Variants in SGCD observed in about 807,000 individuals in gnomAD.
The protein encoded by SGCD is sarcoglycan delta.
Under a neutral mutation model 36.6 loss-of-function variants are expected in SGCD, and 18 were observed. The observed-to-expected ratio is 0.49, with a 90% CI of 0.34 to 0.73. The LOEUF (loss-of-function observed/expected upper bound fraction) is 0.73. Among genes scored for constraint, SGCD ranks in the 30% least tolerant of loss-of-function variants. The pLI is 0.01. For missense variants in SGCD, 387 were observed against 346.7 expected (o/e 1.12, Z -0.92); for synonymous variants, 133 against 130.6 (o/e 1.02, Z -0.12).
At chr5:156,552,900 G>T (rs1220228453) in intron 4 of SGCD, among the ~76,000 whole-genome samples, 1 of 152,030 alleles carries the variant, frequency 6.6e-6, no homozygotes, top group Non-Finnish European at 1.5e-5. Context: ...AAAGAGTATG[G>T]TCTTAGTCCA....
At chr5:156,393,386 A>G (rs1387890098) in intron 3 of SGCD, among the ~76,000 whole-genome samples, 3 of 152,258 alleles carry the variant, frequency 2.0e-5, no homozygotes, top group South Asian at 2.1e-4. Context: ...AATTTTACCA[A>G]TAAGTCAGTT....
intron 7 of SGCD, among the ~76,000 whole-genome samples, chr5:156,751,825 T>G (rs556151024): frequency 2.6e-4 from 39 of 152,308 alleles, no homozygotes; most frequent in African/African-American, 9.1e-4. Context: ...TATACACTAG[T>G]GGGAAAGTCA....
intron 2 of SGCD, among the ~76,000 whole-genome samples, chr5:156,338,187 T>A (rs1768459616): frequency 2.0e-5 from 3 of 146,556 alleles, no homozygotes; most frequent in Admixed American, 6.9e-5. Context: ...TGTTTACAAA[T>A]CATCCCTGAA....
chr5:155,770,362 T>TG, the SGCD span, among the ~76,000 whole-genome samples: 2 of 110,370 alleles, frequency 1.8e-5, no homozygotes, highest in African/African-American at 7.1e-5. Flanking sequence ...CCATAGGATG[T>TG]GGGGGGCAGG....
chr5:156,291,471 G>A (rs1310687160), intron 3 of SGCD, among the ~76,000 whole-genome samples: 1 of 152,026 alleles, frequency 6.6e-6, no homozygotes, highest in Admixed American at 6.6e-5. Flanking sequence ...ACAGGCAACA[G>A]GCCAGACAGT....
chr5:156,733,594 T>C lies in SGCD; in HGVS notation c.576-23987T>C, dbSNP rs140829620. 1.6e-4 allele frequency among the ~76,000 whole-genome samples: 25 copies of C among 152,206 alleles called. No individual in the cohort carries two copies. In the East Asian group the frequency reaches 4.1e-3, roughly 25 times the overall value. ...TGTCTCAATGATCTAATATTGTCAG[T>C]GGGGTGTTAAAGTCTCCCACTAATA... On this transcript the variant is annotated intron_variant, in intron 7 of 8. Coordinates refer to ENST00000337851, the MANE Select transcript of SGCD (RefSeq NM_000337.6).
At chr5:156,399,959 T>C (rs73293268) in intron 3 of SGCD, among the ~76,000 whole-genome samples, 6,496 of 152,290 alleles carry the variant, frequency 0.043, 492 homozygotes, top group African/African-American at 0.15. Context: ...CAATTTCTAA[T>C]GTGTACCTCA....
upstream of SGCD, among the ~76,000 whole-genome samples, chr5:155,866,012 TC>T (rs1166387501): frequency 6.6e-6 from 1 of 152,124 alleles, no homozygotes; most frequent in African/African-American, 2.4e-5. Flanking sequence ...TTGAAAAAGG[TC>T]AATAGTTCAG....
intron 1 of SGCD, among the ~76,000 whole-genome samples, chr5:156,096,561 G>A (rs964697384): frequency 6.6e-6 from 1 of 152,142 alleles, no homozygotes; most frequent in African/African-American, 2.4e-5. Context: ...ACAATCCTTG[G>A]CCCAATCAGG....
chr5:156,283,956 C>T (rs1024433846), intron 3 of SGCD, among the ~76,000 whole-genome samples: 8 of 152,148 alleles, frequency 5.3e-5, no homozygotes, highest in African/African-American at 1.9e-4. Flanking sequence ...CTATTCCCAG[C>T]TTTGCTTTCT....
the SGCD span, among the ~76,000 whole-genome samples, chr5:155,734,585 T>C: frequency 2.2e-4 from 34 of 152,276 alleles, no homozygotes; most frequent in African/African-American, 7.7e-4. Flanking sequence ...TACTATTGCA[T>C]TGCTGTGAGT....
intron 2 of SGCD, among the ~76,000 whole-genome samples, chr5:156,118,233 T>C (rs537529799): frequency 2.4e-4 from 36 of 152,170 alleles, no homozygotes; most frequent in African/African-American, 8.4e-4. Flanking sequence ...GGTATGTACA[T>C]GGTGTGTTGG....
At chr5:155,805,347 A>C in the SGCD span, among the ~76,000 whole-genome samples, 11 of 152,182 alleles carry the variant, frequency 7.2e-5, no homozygotes, top group Non-Finnish European at 1.2e-4. Context: ...AAAATTAGGG[A>C]TAGTTTTAAG....
At chr5:155,730,407 G>A in the SGCD span, among the ~76,000 whole-genome samples, 1 of 145,658 alleles carries the variant, frequency 6.9e-6, no homozygotes, top group Non-Finnish European at 1.5e-5. Flanking sequence ...TATAAAGGAG[G>A]TATTTAGAGA....
At chr5:156,396,895 G>A (rs916339711) in intron 3 of SGCD, among the ~76,000 whole-genome samples, 3 of 152,210 alleles carry the variant, frequency 2.0e-5, no homozygotes, top group African/African-American at 7.2e-5. Flanking sequence ...AAGAGATAAA[G>A]CTAGGGCTCA....
chr5:156,111,179 C>T (rs916250474), intron 1 of SGCD, among the ~76,000 whole-genome samples: 1 of 152,112 alleles, frequency 6.6e-6, no homozygotes, highest in Admixed American at 6.6e-5. Flanking sequence ...TTTTGGAGAG[C>T]TTGTGGGTCA....
intron 3 of SGCD, among the ~76,000 whole-genome samples, chr5:156,138,778 C>T (rs967205726): frequency 6.6e-6 from 1 of 152,212 alleles, no homozygotes; most frequent in Non-Finnish European, 1.5e-5. Context: ...CCAAATGGTT[C>T]TCCAAGGTGA....
At chr5:155,754,570 C>A in the SGCD span, among the ~76,000 whole-genome samples, 1 of 152,200 alleles carries the variant, frequency 6.6e-6, no homozygotes, top group Non-Finnish European at 1.5e-5. Context: ...ACAACAATTA[C>A]CCAGATAATC....
intron 6 of SGCD, among the ~76,000 whole-genome samples, chr5:156,623,094 TG>T (rs1394537626): frequency 3.3e-5 from 5 of 152,144 alleles, no homozygotes; most frequent in African/African-American, 1.2e-4. Flanking sequence ...TTGTATTATA[TG>T]ATATGTGTGT....
Sources: gnomAD v4.1 joint callset for allele counts (sites outside exome capture counted in the v4.1 genomes callset) on GRCh38, gnomAD v4.1.1 for gene constraint, MANE v1.5 for transcripts, NCBI Gene and HGNC (gene_info 2026-07-23, HGNC 2026-07-21) for gene names.